The following TACR3 variants were observed in gnomAD, a reference collection of about 807,000 sequenced individuals.
TACR3 encodes neuromedin-K receptor.
A neutral mutation model predicts 35.0 loss-of-function variants in TACR3; 34 were observed. The observed-to-expected ratio is 0.97, with a 90% confidence interval of 0.74 to 1.30. TACR3 has a LOEUF of 1.30. Ranked by LOEUF, TACR3 falls within the 50% of genes most tolerant of loss-of-function variation. TACR3 has a pLI of 0.00. For synonymous variants in TACR3, 233 were observed against 221.1 expected (o/e 1.05, Z -0.48); for missense variants, 558 against 591.7 (o/e 0.94, Z 0.59).
intron 1 of TACR3, among the ~76,000 whole-genome samples, chr4:103,672,774 T>C (rs1726081629): frequency 6.6e-6 from 1 of 152,216 alleles, no homozygotes; most frequent in African/African-American, 2.4e-5. Context: ...AGTCAGGCAT[T>C]GACTTCTCCT....
chr4:103,615,466 T>G (rs1372709133), intron 3 of TACR3, among the ~76,000 whole-genome samples: 1 of 151,084 alleles, frequency 6.6e-6, no homozygotes, highest in Non-Finnish European at 1.5e-5. Flanking sequence ...GGCATCAGAT[T>G]CATGTTTCTC....
chr4:103,718,096 A>G (rs963837426), intron 1 of TACR3, among the ~76,000 whole-genome samples: 2 of 151,710 alleles, frequency 1.3e-5, no homozygotes, highest in African/African-American at 4.9e-5. Context: ...GAACTTACAG[A>G]AATAACCTGT....
At chr4:103,639,531 T>C (rs1184714518) in intron 3 of TACR3, among the ~76,000 whole-genome samples, 3 of 152,040 alleles carry the variant, frequency 2.0e-5, no homozygotes, top group Non-Finnish European at 4.4e-5. Flanking sequence ...ACATGGCACA[T>C]GTATACATAT....
At chr4:103,716,995 G>A (rs1012229727) in intron 1 of TACR3, among the ~76,000 whole-genome samples, 8 of 152,094 alleles carry the variant, frequency 5.3e-5, no homozygotes, top group Admixed American at 2.0e-4. Context: ...CCTATAAAAT[G>A]ATGGAAAATA....
chr4:103,660,010 A>T (rs1725806489), intron 1 of TACR3, among the ~76,000 whole-genome samples: 1 of 152,178 alleles, frequency 6.6e-6, no homozygotes, highest in South Asian at 2.1e-4. Flanking sequence ...TTCAGACGTA[A>T]TACTTTCATC....
At chr4:103,703,734 A>G (rs980135075) in intron 1 of TACR3, among the ~76,000 whole-genome samples, 1 of 152,134 alleles carries the variant, frequency 6.6e-6, no homozygotes, top group Admixed American at 6.5e-5. Context: ...CATGCTGGAC[A>G]TTTGATTTAG....
intron 1 of TACR3, among the ~76,000 whole-genome samples, chr4:103,664,608 G>T (rs567245468): frequency 1.3e-5 from 2 of 152,074 alleles, no homozygotes; most frequent in African/African-American, 4.8e-5. Flanking sequence ...ACAAAATACG[G>T]TCTGGCTACT....
intron 3 of TACR3, among the ~76,000 whole-genome samples, chr4:103,648,531 C>A (rs1725507942): frequency 6.6e-6 from 1 of 152,014 alleles, no homozygotes; most frequent in South Asian, 2.1e-4. Flanking sequence ...TAAGTGGGAC[C>A]ATACAAACTT....
intron 1 of TACR3, among the ~76,000 whole-genome samples, chr4:103,693,599 C>A (rs949906360): frequency 1.1e-4 from 16 of 151,976 alleles, no homozygotes; most frequent in Admixed American, 3.9e-4. Context: ...AAATTGTCAT[C>A]TTTTGCATAT....
chr4:103,597,698 T>C (rs190346185), intron 3 of TACR3, among the ~76,000 whole-genome samples: 1 of 150,158 alleles, frequency 6.7e-6, no homozygotes, highest in African/African-American at 2.4e-5. Context: ...AGTGAGAACA[T>C]GCAGTTTGGT....
chr4:103,707,944 A>G (rs1462131017), intron 1 of TACR3, among the ~76,000 whole-genome samples: 1 of 152,202 alleles, frequency 6.6e-6, no homozygotes, highest in Non-Finnish European at 1.5e-5. Context: ...GGAGGCAGTG[A>G]GGCTGCTGGA....
At chr4:103,606,600 G>C (rs954249050) in intron 3 of TACR3, among the ~76,000 whole-genome samples, 5 of 152,284 alleles carry the variant, frequency 3.3e-5, no homozygotes, top group African/African-American at 1.2e-4. Flanking sequence ...GTGAATGGGA[G>C]TTCACTCATG....
intron 1 of TACR3, among the ~76,000 whole-genome samples, chr4:103,711,200 T>C (rs1157681198): frequency 6.6e-6 from 1 of 152,078 alleles, no homozygotes; most frequent in Non-Finnish European, 1.5e-5. Context: ...AAAAGAGAAT[T>C]TTAGACCAAT....
At chr4:103,614,114 A>T (rs77457197) in intron 3 of TACR3, among the ~76,000 whole-genome samples, 2,080 of 152,258 alleles carry the variant, frequency 0.014, 44 homozygotes, top group African/African-American at 0.047. Flanking sequence ...GCAAAAATAA[A>T]TTTAAGATAT....
intron 3 of TACR3, among the ~76,000 whole-genome samples, chr4:103,597,737 A>T: frequency 6.6e-6 from 1 of 152,108 alleles, no homozygotes; most frequent in Non-Finnish European, 1.5e-5. Flanking sequence ...TTTGCTGAGA[A>T]TGATGGTTTC....
At chr4:103,613,080 T>G (rs981672817) in intron 3 of TACR3, among the ~76,000 whole-genome samples, 3 of 152,116 alleles carry the variant, frequency 2.0e-5, no homozygotes, top group Non-Finnish European at 2.9e-5. Flanking sequence ...AATATACGGA[T>G]AGTTTTGTAA....
intron 1 of TACR3, among the ~76,000 whole-genome samples, chr4:103,672,174 T>A (rs1240191928): frequency 2.6e-5 from 4 of 152,100 alleles, no homozygotes; most frequent in Admixed American, 1.3e-4. Flanking sequence ...CTTGTTCTTT[T>A]GCTATTTCCA....
chr4:103,688,417 G>A (rs896951039), intron 1 of TACR3, among the ~76,000 whole-genome samples: 6 of 151,388 alleles, frequency 4.0e-5, no homozygotes, highest in African/African-American at 7.3e-5. Flanking sequence ...TTAAACTAAA[G>A]AGCTTCTGCA....
chr4:103,629,428 C>T, intron 3 of TACR3, among the ~76,000 whole-genome samples: 1 of 152,082 alleles, frequency 6.6e-6, no homozygotes, highest in Non-Finnish European at 1.5e-5. Flanking sequence ...AGCTGATAAG[C>T]AACTTCAGCA....
Sources: gnomAD v4.1 joint callset for allele counts (sites outside exome capture counted in the v4.1 genomes callset) on GRCh38, gnomAD v4.1.1 for gene constraint, MANE v1.5 for transcripts, NCBI Gene and HGNC (gene_info 2026-07-23, HGNC 2026-07-21) for gene names.